The following ECD variants were observed in gnomAD, a reference collection of about 807,000 sequenced individuals.
ECD encodes the protein protein ecdysoneless homolog.
Under a neutral mutation model 77.2 loss-of-function variants are expected in ECD, and 59 were observed. The observed-to-expected ratio is 0.76, with a 90% confidence interval of 0.62 to 0.95. The LOEUF is 0.95. Ranked by LOEUF, ECD falls within the 40% of genes least tolerant of loss-of-function variation. The pLI is 0.00. For missense variants in ECD, 704 were observed against 763.4 expected (o/e 0.92, Z 0.92); for synonymous variants, 233 against 267.4 (o/e 0.87, Z 1.26).
chr10:73,151,531 A>T (rs79563201), intron 7 of ECD, among the ~76,000 whole-genome samples: 1 of 98,494 alleles, frequency 1.0e-5, no homozygotes, highest in Admixed American at 8.8e-5. Context: ...CATAATAATA[A>T]AAAAAAAAAG....
intron 8 of ECD, among the ~76,000 whole-genome samples, chr10:73,147,319 G>A (rs765874231): frequency 2.6e-5 from 4 of 152,170 alleles, no homozygotes; most frequent in African/African-American, 4.8e-5. Flanking sequence ...AGGCCAAGGC[G>A]GATGGATCAC....
At chr10:73,141,339 TA>T (rs749192454) in intron 9 of ECD, 1,012 of 95,092 alleles carry the variant, frequency 0.011, 3 homozygotes, top group South Asian at 0.053. Context: ...CCGTCTCTAC[TA>T]AAAAAAAAAA....
At chr10:73,159,734 C>T (rs1456528290) in intron 3 of ECD, among the ~76,000 whole-genome samples, 1 of 149,214 alleles carries the variant, frequency 6.7e-6, no homozygotes, top group Non-Finnish European at 1.5e-5. Context: ...ACCTCCGCCT[C>T]CCAGGTTCAA....
chr10:73,135,727 A>AAATAAT (rs373748537), intron 13 of ECD, among the ~76,000 whole-genome samples: 17 of 151,230 alleles, frequency 1.1e-4, no homozygotes, highest in African/African-American at 3.9e-4. Flanking sequence ...ATCTCAAATA[A>AAATAAT]AATAATAATA....
intron 13 of ECD, 124 bp from the exon 14 acceptor site, chr10:73,134,937 A>C: frequency 1.3e-6 from 1 of 783,848 alleles, no homozygotes; most frequent in East Asian, 2.7e-5. Context: ...GAAACTTCTT[A>C]TCCTTGGTGA....
intron 3 of ECD, among the ~76,000 whole-genome samples, chr10:73,157,389 T>C (rs922011112): frequency 5.3e-5 from 8 of 151,970 alleles, no homozygotes; most frequent in African/African-American, 1.9e-4. Context: ...AAATAGGTTA[T>C]ACATTCACAT....
chr10:73,160,650 T>A (rs959583392), intron 2 of ECD, 99 bp from the exon 3 acceptor site: 2 of 852,266 alleles, frequency 2.3e-6, no homozygotes, highest in Non-Finnish European at 3.6e-6. Context: ...ATTGACTGAT[T>A]GCTCTAAGTA....
chr10:73,135,220 T>G (rs989283726), intron 13 of ECD, among the ~76,000 whole-genome samples: 3 of 152,210 alleles, frequency 2.0e-5, no homozygotes, highest in Non-Finnish European at 2.9e-5. Context: ...GTTCCTTTCT[T>G]TCCCCCCAGT....
At chr10:73,135,012 A>G (rs1258838570) in intron 13 of ECD, among the ~76,000 whole-genome samples, 199 bp from the exon 14 acceptor site, 1 of 152,182 alleles carries the variant, frequency 6.6e-6, no homozygotes, top group Non-Finnish European at 1.5e-5. Flanking sequence ...TTGGTTCTAA[A>G]GGTTATAACA....
chr10:73,135,247 A>G (rs1842962453), intron 13 of ECD, among the ~76,000 whole-genome samples: 1 of 152,228 alleles, frequency 6.6e-6, no homozygotes, highest in Non-Finnish European at 1.5e-5. Context: ...GCTTAAAAGT[A>G]AAAACACAAG....
Position 73,154,280 on chromosome 10 carries a change from C to T in ECD, c.759G>A (p.Leu253=), listed in dbSNP as rs768327063. The T allele has an allele frequency of 2.5e-6, 4 of 1,608,006 alleles. No individual in the cohort carries two copies. The highest frequency in any genetic ancestry group is 2.5e-6 in the Non-Finnish European group (3 of 1,177,268). Residue 253 remains leucine, a synonymous_variant, in exon 6 of 14, where the codon TTG becomes TTA. Coordinates refer to ENST00000372979, the MANE Select transcript of ECD (RefSeq NM_007265.3). The stretch of plus-strand genomic sequence containing the variant: ...CCGATGTCATTATTCGTGTTTCAGG[C>T]AAGAATGTCTTGAAAACACGACAAG... ...LRACRVFKTF[L]PETRIMTSVT... is the part of the protein sequence containing the mutation.
chr10:73,164,173 T>C (rs1386043666), intron 1 of ECD, among the ~76,000 whole-genome samples: 2 of 151,650 alleles, frequency 1.3e-5, no homozygotes, highest in Non-Finnish European at 2.9e-5. Context: ...CCGTCTCTAC[T>C]AAAAATACAA....
intron 2 of ECD, among the ~76,000 whole-genome samples, chr10:73,161,762 G>C (rs902570211): frequency 6.6e-6 from 1 of 152,176 alleles, no homozygotes; most frequent in Admixed American, 6.5e-5. Flanking sequence ...TCCCTGATGA[G>C]TATCAATGCA....
At chr10:73,141,751 T>G (rs1454199191) in intron 9 of ECD, among the ~76,000 whole-genome samples, 1 of 152,248 alleles carries the variant, frequency 6.6e-6, no homozygotes, top group African/African-American at 2.4e-5. Context: ...AACGTTTACA[T>G]ATTAATAATA....
chr10:73,136,218 CT>C (rs1445408074), intron 13 of ECD, among the ~76,000 whole-genome samples: 1 of 152,068 alleles, frequency 6.6e-6, no homozygotes, highest in Non-Finnish European at 1.5e-5. Context: ...AAATTTGGCT[CT>C]AAATTAGGGA....
At chr10:73,144,598 T>C (rs1034557721) in intron 9 of ECD, among the ~76,000 whole-genome samples, 1 of 152,126 alleles carries the variant, frequency 6.6e-6, no homozygotes, top group Non-Finnish European at 1.5e-5. Flanking sequence ...ATTAGTTAAA[T>C]AGAAGGAATA....
chr10:73,135,871 G>A (rs1404838649), intron 13 of ECD, among the ~76,000 whole-genome samples: 2 of 151,976 alleles, frequency 1.3e-5, no homozygotes, highest in Non-Finnish European at 2.9e-5. Flanking sequence ...AAGAAATACT[G>A]CTTTAGATAA....
intron 9 of ECD, among the ~76,000 whole-genome samples, chr10:73,145,971 T>C (rs1015861847): frequency 1.3e-5 from 2 of 151,876 alleles, no homozygotes; most frequent in Admixed American, 6.6e-5. Context: ...AAATTATGTT[T>C]ATAAAGACTT....
chr10:73,141,368 T>A, intron 9 of ECD: 1 of 150,644 alleles, frequency 6.6e-6, no homozygotes, highest in Non-Finnish European at 1.4e-5. Context: ...AAAAATTAGC[T>A]GGGCGTGGTG....
Sources: gnomAD v4.1 joint callset for allele counts (sites outside exome capture counted in the v4.1 genomes callset) on GRCh38, gnomAD v4.1.1 for gene constraint, MANE v1.5 for transcripts, NCBI Gene and HGNC (gene_info 2026-07-23, HGNC 2026-07-21) for gene names.